The following GRM5 variants were observed in gnomAD, a reference collection of about 807,000 sequenced individuals.
The protein encoded by GRM5 is metabotropic glutamate receptor 5.
In GRM5, 19 loss-of-function variants were observed where a neutral mutation model predicts 83.1. The observed-to-expected ratio is 0.23, with a 90% confidence interval of 0.16 to 0.34. GRM5 has a LOEUF of 0.34. Ranked by LOEUF, GRM5 falls within the 10% of genes least tolerant of loss-of-function variation. The pLI is 1.00. For synonymous variants in GRM5, 675 were observed against 633.6 expected (o/e 1.07, Z -0.98); for missense variants, 1,160 against 1,588.3 (o/e 0.73, Z 4.58).
intron 2 of GRM5, among the ~76,000 whole-genome samples, chr11:89,023,539 C>A (rs1941043079): frequency 6.6e-6 from 1 of 152,008 alleles, no homozygotes; most frequent in East Asian, 1.9e-4. Flanking sequence ...TTTTACCTTA[C>A]AGTGGGTCAG....
intron 2 of GRM5, among the ~76,000 whole-genome samples, chr11:89,021,559 T>G (rs1460984729): frequency 3.3e-5 from 5 of 152,026 alleles, no homozygotes; most frequent in African/African-American, 1.2e-4. Flanking sequence ...TTTGGAGAAG[T>G]TTTCAAGTGC....
rs1248110042 is a variant in GRM5 at position 88,653,031 on chromosome 11, C to A, written c.1147+137G>T. On this transcript the variant is annotated intron_variant, in intron 4 of 9. Transcript: ENST00000305447. ...AATGAGACTAAAACCTGTTTATCAC[C>A]ATAAGTGGCAATATCCACTCTACTT... 4 of 615,094 alleles carry A rather than the reference C, an allele frequency of 6.5e-6. No homozygotes were observed. The Admixed American group carries it at 1.2e-4, about 18-fold the overall frequency. The allele number at this position is 615,094 out of a possible 1,614,324, so 38.1% of individuals were successfully genotyped here.
intron 1 of GRM5, among the ~76,000 whole-genome samples, chr11:89,061,661 G>A (rs777491048): frequency 2.6e-5 from 4 of 152,110 alleles, no homozygotes; most frequent in Non-Finnish European, 5.9e-5. Flanking sequence ...ATTTCCCCCT[G>A]GGTGTTTGTC....
chr11:88,853,642 CT>C (rs1195396101), intron 2 of GRM5, among the ~76,000 whole-genome samples: 1 of 151,724 alleles, frequency 6.6e-6, no homozygotes, highest in East Asian at 1.9e-4. Flanking sequence ...AACTAAAACA[CT>C]TTTTTTCACT....
At chr11:88,658,161 A>G (rs893073202) in intron 3 of GRM5, among the ~76,000 whole-genome samples, 1 of 152,118 alleles carries the variant, frequency 6.6e-6, no homozygotes, top group African/African-American at 2.4e-5. Context: ...CCTATCGTGA[A>G]CTGTACACGT....
chr11:88,686,007 G>T (rs1209491839), intron 3 of GRM5, among the ~76,000 whole-genome samples: 1 of 152,148 alleles, frequency 6.6e-6, no homozygotes, highest in African/African-American at 2.4e-5. Context: ...GTGAGAAGAG[G>T]TCGACTGTCC....
At chr11:88,998,349 C>T (rs1049264038) in intron 2 of GRM5, among the ~76,000 whole-genome samples, 7 of 151,970 alleles carry the variant, frequency 4.6e-5, no homozygotes, top group African/African-American at 1.7e-4. Context: ...CGCAGAGATA[C>T]CATTTGATAA....
At chr11:88,523,050 G>A (rs766361862) in intron 9 of GRM5, 1 of 152,120 alleles carries the variant, frequency 6.6e-6, no homozygotes, top group Non-Finnish European at 1.5e-5. Flanking sequence ...ACAGCCTTGA[G>A]CAAATTTAAT....
intron 3 of GRM5, among the ~76,000 whole-genome samples, chr11:88,805,482 G>A (rs867664236): frequency 2.0e-5 from 3 of 152,116 alleles, no homozygotes; most frequent in Non-Finnish European, 2.9e-5. Flanking sequence ...GAGCCACCAC[G>A]CACGGCCCGT....
chr11:88,517,940 C>T (rs1042296397), intron 9 of GRM5, among the ~76,000 whole-genome samples: 1 of 152,102 alleles, frequency 6.6e-6, no homozygotes, highest in Non-Finnish European at 1.5e-5. Context: ...ATATATATGT[C>T]TATTTACAAA....
intron 2 of GRM5, among the ~76,000 whole-genome samples, chr11:89,023,774 C>G (rs1376742387): frequency 6.6e-6 from 1 of 150,686 alleles, no homozygotes; most frequent in Non-Finnish European, 1.5e-5. Context: ...TGCTTGAACC[C>G]AGGAGGCGGA....
At position 88,568,004 on chromosome 11, in the gene GRM5, C is replaced by A. The variant is rs1565342292; in HGVS notation, c.1691-12G>T. On this transcript the variant is annotated splice_polypyrimidine_tract_variant and intron_variant, in intron 7 of 9. Coordinates refer to ENST00000305447, the MANE Select transcript of GRM5 (RefSeq NM_001143831.3). ...GATCAAGTCACAACCTGCAGAGACA[C>A]AAACACATATTGTAAAGGAGGGAGA... The A allele has an allele frequency of 6.4e-7, 1 of 1,559,862 alleles. No individual in the cohort carries two copies. Among genetic ancestry groups the A allele is most frequent in the South Asian group, 1.1e-5 (1 of 88,580 alleles).
chr11:88,931,626 C>T (rs1003077123), intron 2 of GRM5, among the ~76,000 whole-genome samples: 1 of 152,060 alleles, frequency 6.6e-6, no homozygotes, highest in South Asian at 2.1e-4. Flanking sequence ...TAGCCCCACA[C>T]AGGGCTCTAA....
At chr11:88,579,380 C>A (rs1460149171) in intron 7 of GRM5, among the ~76,000 whole-genome samples, 1 of 151,960 alleles carries the variant, frequency 6.6e-6, no homozygotes, top group Admixed American at 6.6e-5. Flanking sequence ...GCTGAAGGAT[C>A]AACAGTATAT....
intron 3 of GRM5, among the ~76,000 whole-genome samples, chr11:88,797,861 C>G (rs1943311567): frequency 6.6e-6 from 1 of 150,512 alleles, no homozygotes; most frequent in African/African-American, 2.4e-5. Context: ...TTGATCTCTT[C>G]CTCTCTCTCT....
At chr11:88,993,020 A>G (rs1255444531) in intron 2 of GRM5, among the ~76,000 whole-genome samples, 1 of 151,078 alleles carries the variant, frequency 6.6e-6, no homozygotes, top group Non-Finnish European at 1.5e-5. Context: ...TATAATAAAT[A>G]AAATAAATAA....
chr11:89,033,695 A>G (rs1368415944), intron 2 of GRM5, among the ~76,000 whole-genome samples: 1 of 151,922 alleles, frequency 6.6e-6, no homozygotes, highest in East Asian at 1.9e-4. Context: ...TGAAGCTAGG[A>G]GAAAAATTTC....
chr11:88,750,707 A>T (rs1436289232), intron 3 of GRM5, among the ~76,000 whole-genome samples: 2 of 152,138 alleles, frequency 1.3e-5, no homozygotes, highest in African/African-American at 4.8e-5. Context: ...ATGCAAAAGA[A>T]CTTAAATCAT....
intron 2 of GRM5, among the ~76,000 whole-genome samples, chr11:88,888,431 C>G (rs1945082853): frequency 6.6e-6 from 1 of 152,116 alleles, no homozygotes; most frequent in East Asian, 1.9e-4. Context: ...GAGGCAATAC[C>G]TCTTGAAACC....
Sources: gnomAD v4.1 joint callset for allele counts (sites outside exome capture counted in the v4.1 genomes callset) on GRCh38, gnomAD v4.1.1 for gene constraint, MANE v1.5 for transcripts, NCBI Gene and HGNC (gene_info 2026-07-23, HGNC 2026-07-21) for gene names.